The following C1orf226 variants were observed in gnomAD, a reference collection of about 807,000 sequenced individuals.
The protein encoded by C1orf226 is chromosome 1 open reading frame 226, also known as uncharacterized protein C1orf226.
In C1orf226, 4 loss-of-function variants were observed where a neutral mutation model predicts 10.5. That is an observed-to-expected ratio of 0.38 (90% CI 0.19 to 0.87). The LOEUF (loss-of-function observed/expected upper bound fraction) is 0.87. Among genes scored for constraint, C1orf226 ranks in the 40% least tolerant of loss-of-function variants. The pLI is 0.41. For synonymous variants in C1orf226, 125 were observed against 139.3 expected, an observed-to-expected ratio of 0.90 and a Z score of 0.72; for missense variants, 313 against 336.2, an observed-to-expected ratio of 0.93 and a Z score of 0.54.
Position 162,382,169 on chromosome 1 carries a change from C to T in C1orf226, c.268C>T (p.Leu90=). ...TEINKTAGAQ[L]ASGTDAAPEA... ...GATCAACAAGACTGCAGGAGCACAG[C>T]TGGCCAGTGGGACTGACGCGGCTCC... Residue 90 remains leucine, a synonymous_variant, in exon 1 of 2, where the codon CTG becomes TTG. Transcript: ENST00000458626. 1 of 1,589,150 alleles carries T rather than the reference C, an allele frequency of 6.3e-7. No homozygotes were observed. Among genetic ancestry groups the T allele is most frequent in the Non-Finnish European group, 8.6e-7 (1 of 1,167,862 alleles).
At position 162,381,836 on chromosome 1, in the gene C1orf226, A is replaced by C; in HGVS notation, c.-66A>C. 6.3e-7 allele frequency: 1 copy of C among 1,589,756 alleles called. No individual in the cohort carries two copies. The highest frequency in any genetic ancestry group is 8.5e-7 in the Non-Finnish European group (1 of 1,172,208). On this transcript the variant is annotated 5_prime_UTR_variant, in exon 1 of 2. Transcript: ENST00000458626. Reference sequence around the variant, plus strand: ...ATAAGGAAAAACTGAATGATAGAGCACAGGTACCGCTCCCCTTTCCTCATC... The same window carrying C: ...ATAAGGAAAAACTGAATGATAGAGCCCAGGTACCGCTCCCCTTTCCTCATC...
chr1:162,379,855 T>C (rs1647854118), upstream of C1orf226, among the ~76,000 whole-genome samples: 2 of 152,204 alleles, frequency 1.3e-5, no homozygotes, highest in Admixed American at 1.3e-4. Context: ...GTATGTCTGC[T>C]CTGAAAAGTC....
At position 162,386,293 on chromosome 1, in the gene C1orf226, C is replaced by T. The variant is rs1648105978; in HGVS notation, c.*2610C>T. On this transcript the variant is annotated 3_prime_UTR_variant, in exon 2 of 2. Coordinates refer to ENST00000458626, the MANE Select transcript of C1orf226 (RefSeq NM_001085375.2). Reference sequence around the variant, plus strand: ...AGCCTCACCTGGTTTCCATGTCCATCTCAACAGTCTGGCCTTCCTGTGACT... The same window carrying T: ...AGCCTCACCTGGTTTCCATGTCCATTTCAACAGTCTGGCCTTCCTGTGACT... 1 of 152,354 alleles carries T rather than the reference C, an allele frequency of 6.6e-6. No individual in the cohort carries two copies. The highest frequency in any genetic ancestry group is 1.5e-5 in the Non-Finnish European group (1 of 68,126). 9.4% of individuals were successfully genotyped at this position (152,354 alleles called of 1,614,324 possible).
At chr1:162,380,592 G>A (rs962724693), upstream of C1orf226, among the ~76,000 whole-genome samples, 4 of 152,212 alleles carry the variant, frequency 2.6e-5, no homozygotes, top group Admixed American at 6.5e-5. Context: ...ATGATCGAGC[G>A]ATCTCCTTTC....
At chr1:162,381,129 T>G (rs1227529195), upstream of C1orf226, among the ~76,000 whole-genome samples, 1 of 152,190 alleles carries the variant, frequency 6.6e-6, no homozygotes, top group African/African-American at 2.4e-5. Flanking sequence ...GCCCTGCTAG[T>G]ATTTAGCTGT....
At position 162,383,177 on chromosome 1, in the gene C1orf226, T is replaced by G; in HGVS notation, c.318-5T>G. The G allele has an allele frequency of 6.4e-7, 1 of 1,562,136 alleles. No individual in the cohort carries two copies. Among genetic ancestry groups the G allele is most frequent in the South Asian group, 1.2e-5 (1 of 81,398 alleles). The stretch of plus-strand genomic sequence containing the variant: ...CATGTGTGTTTATTGTCATTAACCT[T>G]ACAGGTCAGTCCTGCAAGAAACATT... On this transcript the variant is annotated splice_region_variant and splice_polypyrimidine_tract_variant and intron_variant, in intron 1 of 1. Transcript: ENST00000458626.
At position 162,381,871 on chromosome 1, in the gene C1orf226, T is replaced by G; in HGVS notation, c.-31T>G. On this transcript the variant is annotated 5_prime_UTR_variant, in exon 1 of 2. Coordinates refer to ENST00000458626, the MANE Select transcript of C1orf226 (RefSeq NM_001085375.2). Reference sequence around the variant, plus strand: ...CTCCCCTTTCCTCATCATGCCTCTCTGTCGCCTCTTTGTTCATAGTTGACC... The same window carrying G: ...CTCCCCTTTCCTCATCATGCCTCTCGGTCGCCTCTTTGTTCATAGTTGACC... 1 of 1,609,864 alleles carries G rather than the reference T, an allele frequency of 6.2e-7. No homozygotes were observed. The highest frequency in any genetic ancestry group is 1.7e-5 in the Admixed American group (1 of 59,082).
chr1:162,380,886 G>A (rs1647883186), upstream of C1orf226, among the ~76,000 whole-genome samples: 1 of 152,234 alleles, frequency 6.6e-6, no homozygotes, highest in African/African-American at 2.4e-5. Flanking sequence ...ACCAAACCCA[G>A]GCTAGGTGTT....
upstream of C1orf226, chr1:162,381,719 A>G (rs1647912746): frequency 7.0e-7 from 1 of 1,427,010 alleles, no homozygotes; most frequent in South Asian, 1.7e-5. Flanking sequence ...CTGTCCCATC[A>G]AGAAAACTAC....
rs909801731 is a variant in C1orf226, at chr1:162,385,362, TC to T, written c.*1681del. On this transcript the variant is annotated 3_prime_UTR_variant, in exon 2 of 2. Coordinates refer to ENST00000458626, the MANE Select transcript of C1orf226 (RefSeq NM_001085375.2). ...TCAGCAGGATTGCTAGGATGTGGGT[TC>T]CTTCCTGCATGCTTGCTTCTGCAGC... The T allele has an allele frequency of 2.6e-5, 4 of 152,260 alleles. No individual in the cohort carries two copies. Among genetic ancestry groups the T allele is most frequent in the Non-Finnish European group, 5.9e-5 (4 of 68,060 alleles). The allele number at this position is 152,260 out of a possible 1,614,324, so 9.4% of individuals were successfully genotyped here.
Position 162,381,957 on chromosome 1 carries a change from T to C in C1orf226, c.56T>C (p.Phe19Ser). The change falls in exon 1 of 2, where the codon TTC becomes TCC. Residue 19 changes from phenylalanine (F) to serine (S), a missense_variant. Coordinates refer to ENST00000458626, the MANE Select transcript of C1orf226 (RefSeq NM_001085375.2). ...CCAAAGCTCCAGGCCAGCCGCTCCT[T>C]CCCCCACTTGTCCAAGCCCGTGGCC... The part of the protein sequence containing the change: ...LTPKLQASRS[F>S]PHLSKPVAPG... 2 of 1,612,812 alleles carry C rather than the reference T, an allele frequency of 1.2e-6. No individual in the cohort carries two copies.
In C1orf226 at chr1:162,382,077, G is replaced by T; in HGVS notation, c.176G>T (p.Gly59Val). The T allele has an allele frequency of 6.2e-7, 1 of 1,601,920 alleles. No individual in the cohort carries two copies. The highest frequency in any genetic ancestry group is 2.3e-5 in the East Asian group (1 of 44,296). ...CTCAAGAACCTGGGCAAAGCCATGG[G>T]GGCCAAAGTGAATGACTTCCTGAGG... ...QHLKNLGKAMGAKVNDFLRRK... is the reference protein window; with the variant it reads ...QHLKNLGKAMVAKVNDFLRRK... The change falls in exon 1 of 2, where the codon GGG (glycine) becomes GTG (valine). Residue 59 changes from glycine to valine, a missense_variant. Transcript: ENST00000458626.
upstream of C1orf226, among the ~76,000 whole-genome samples, chr1:162,381,054 A>G (rs1647887550): frequency 2.0e-5 from 3 of 152,234 alleles, no homozygotes; most frequent in African/African-American, 4.8e-5. Flanking sequence ...TCCATGATCT[A>G]TAGCAGGGCA....
rs1397315673 is a variant in C1orf226, at chr1:162,386,638, T to C, written c.*2955T>C. 6.6e-6 allele frequency: 1 copy of C among 152,234 alleles called. No homozygotes were observed. Among genetic ancestry groups the C allele is most frequent in the African/African-American group, 2.4e-5 (1 of 41,446 alleles). The allele number at this position is 152,234 out of a possible 1,614,324, so 9.4% of individuals were successfully genotyped here. A position where few individuals can be genotyped will look rare whatever the true frequency, so the allele number is the denominator to read the frequency against. On this transcript the variant is annotated 3_prime_UTR_variant, in exon 2 of 2. Coordinates refer to ENST00000458626, the MANE Select transcript of C1orf226 (RefSeq NM_001085375.2). ...CTGAATGTTGTGTATGTGGCTGATA[T>C]GGAAGACATACATGTATGCAATCCA...
chr1:162,386,234 C>T lies in C1orf226; in HGVS notation c.*2551C>T, dbSNP rs1366071407. The T allele has an allele frequency of 1.3e-5, 2 of 152,388 alleles. No homozygotes were observed. The allele number at this position is 152,388 out of a possible 1,614,324, so 9.4% of individuals were successfully genotyped here. On this transcript the variant is annotated 3_prime_UTR_variant, in exon 2 of 2. Coordinates refer to ENST00000458626, the MANE Select transcript of C1orf226 (RefSeq NM_001085375.2). ...GCAGGAACAGCTACTACTCATCCTG[C>T]AGAGGCCTTGGCCCAGACCAGCTTT...
intron 1 of C1orf226, 128 bp from the exon 2 acceptor site, chr1:162,383,054 C>A (rs1402946201): frequency 2.5e-5 from 22 of 880,858 alleles, no homozygotes; most frequent in Non-Finnish European, 3.7e-5. Context: ...AACCAGAGCC[C>A]AAGGAGTAGA....
At chr1:162,382,421 C>T (rs1274193063) in intron 1 of C1orf226, among the ~76,000 whole-genome samples, 3 of 152,098 alleles carry the variant, frequency 2.0e-5, no homozygotes, top group African/African-American at 7.2e-5. Context: ...TGCTGAGTGC[C>T]CACCATGTCC....
upstream of C1orf226, among the ~76,000 whole-genome samples, chr1:162,381,370 C>T (rs1392454191): frequency 6.6e-6 from 1 of 152,220 alleles, no homozygotes; most frequent in Non-Finnish European, 1.5e-5. Flanking sequence ...AGGCCCACCT[C>T]TGTAGACCTG....
Position 162,382,198 on chromosome 1 carries a change from G to A in C1orf226, c.297G>A (p.Glu99=). The part of the protein sequence containing the change: ...QLASGTDAAP[E]AWLEDERSVL... ...CCAGTGGGACTGACGCGGCTCCAGA[G>A]GCTTGGCTAGAGGATGAAAGGTGAG... The change falls in exon 1 of 2, where the codon GAG becomes GAA. Residue 99 remains glutamate (E), a synonymous_variant. Coordinates refer to ENST00000458626, the MANE Select transcript of C1orf226 (RefSeq NM_001085375.2). The A allele has an allele frequency of 6.3e-7, 1 of 1,575,248 alleles. No individual in the cohort carries two copies. The highest frequency in any genetic ancestry group is 8.6e-7 in the Non-Finnish European group (1 of 1,161,316).
Sources: gnomAD v4.1 joint callset for allele counts (sites outside exome capture counted in the v4.1 genomes callset) on GRCh38, gnomAD v4.1.1 for gene constraint, MANE v1.5 for transcripts, NCBI Gene and HGNC (gene_info 2026-07-23, HGNC 2026-07-21) for gene names.